The following LRIG2 variants were observed in gnomAD, a reference collection of about 807,000 sequenced individuals.
LRIG2 encodes leucine-rich repeats and immunoglobulin-like domains protein 2.
Under a neutral mutation model 107.8 loss-of-function variants are expected in LRIG2, and 93 were observed. The ratio of observed to expected loss-of-function variants is 0.86; its 90% CI spans 0.73 to 1.03. The LOEUF (loss-of-function observed/expected upper bound fraction) is 1.03. LRIG2 is among the 50% of genes least tolerant of loss of function. The pLI, the probability that LRIG2 is intolerant of heterozygous loss-of-function variation, is 0.00. For missense variants in LRIG2, 1,226 were observed against 1,296.0 expected (o/e 0.95, Z 0.83); for synonymous variants, 471 against 470.6 (o/e 1.00, Z -0.01).
In LRIG2 at chr1:113,093,417, C is replaced by T; in HGVS notation, c.381-13C>T. On this transcript the variant is annotated splice_polypyrimidine_tract_variant and intron_variant, in intron 3 of 17. Transcript: ENST00000361127. ...TCAGTGGCAGCAGCTTCATTATAAT[C>T]TTTGTTTTACAGAGTCCATAATATA... The T allele has an allele frequency of 6.2e-7, 1 of 1,612,734 alleles. No homozygotes were observed. Among genetic ancestry groups the T allele is most frequent in the Non-Finnish European group, 8.5e-7 (1 of 1,179,488 alleles).
intron 13 of LRIG2, 142 bp downstream of exon 13, chr1:113,110,704 C>G (rs1323466703): frequency 1.4e-6 from 1 of 691,790 alleles, no homozygotes; most frequent in African/African-American, 1.8e-5. Context: ...GATAACTTAT[C>G]AAGTGGGTGG....
In LRIG2 at chr1:113,127,701, A is replaced by T. The variant is rs1185217909; in HGVS notation, c.*3600A>T. ...TGCCTCAGCCTCCCAAGTACCTGGG[A>T]TTACAGGCATGCACCACCATGCCCG... On this transcript the variant is annotated 3_prime_UTR_variant, in exon 18 of 18. Transcript: ENST00000361127. 6.6e-6 allele frequency: 1 copy of T among 151,616 alleles called. No individual in the cohort carries two copies. Among genetic ancestry groups the T allele is most frequent in the African/African-American group, 2.4e-5 (1 of 41,188 alleles). The allele number at this position is 151,616 out of a possible 1,614,324, so 9.4% of individuals were successfully genotyped here.
Position 113,091,383 on chromosome 1 carries a change from T to G in LRIG2, c.305T>G (p.Val102Gly), listed in dbSNP as rs760283579. 1 of 1,569,224 alleles carries G rather than the reference T, an allele frequency of 6.4e-7. No individual in the cohort carries two copies. The highest frequency in any genetic ancestry group is 8.7e-7 in the Non-Finnish European group (1 of 1,150,410). Residue 102 changes from valine (V) to glycine (G), a missense_variant and splice_region_variant, in exon 2 of 18, where the codon GTG becomes GGG. By Grantham distance (109) the Val-to-Gly change is moderately radical (BLOSUM62 -3). Transcript: ENST00000361127. The stretch of plus-strand genomic sequence containing the variant: ...TTGGAATCACAAACATTACAGGAAG[T>G]GTAAGTTATTTTTATTTATTTAAAG... Reference protein sequence around the residue: ...ISLESQTLQEVKMNYNELTEI... With the variant: ...ISLESQTLQEGKMNYNELTEI...
chr1:113,088,507 G>A (rs1310073676), intron 1 of LRIG2, among the ~76,000 whole-genome samples: 1 of 152,174 alleles, frequency 6.6e-6, no homozygotes, highest in Non-Finnish European at 1.5e-5. Flanking sequence ...AACTCTAGGG[G>A]ATGAATACAG....
chr1:113,086,004 T>G (rs1252924159), intron 1 of LRIG2, among the ~76,000 whole-genome samples: 2 of 140,948 alleles, frequency 1.4e-5, no homozygotes, highest in East Asian at 4.0e-4. Context: ...CCTGAGGTTT[T>G]TTTTTTTTTT....
In LRIG2 at chr1:113,123,727, T is replaced by TTTTTTGTGTGTG. The variant is rs1437564600; in HGVS notation, c.2972-147_2972-146insTTTTGTGTGTGT. 557 of 597,134 alleles carry TTTTTTGTGTGTG rather than the reference T, an allele frequency of 9.3e-4. 3 individuals are homozygous for TTTTTTGTGTGTG. The highest frequency in any genetic ancestry group is 9.3e-3 in the African/African-American group (478 of 51,284). 37.0% of individuals were successfully genotyped at this position (597,134 alleles called of 1,614,324 possible). A position where few individuals can be genotyped will look rare whatever the true frequency, so the allele number is the denominator to read the frequency against. ...AAAGACCATGTTCTGGTGGTGGTTT[T>TTTTTTGTGTGTG]TGTGTGTGTGTGTGTGTGTGTGTGT... is the stretch of plus-strand genomic sequence containing the variant. On this transcript the variant is annotated intron_variant, in intron 17 of 17. Coordinates refer to ENST00000361127, the MANE Select transcript of LRIG2 (RefSeq NM_014813.3).
At chr1:113,094,914 T>C (rs1653984161) in intron 6 of LRIG2, among the ~76,000 whole-genome samples, 159 bp downstream of exon 6, 1 of 151,994 alleles carries the variant, frequency 6.6e-6, no homozygotes, top group African/African-American at 2.4e-5. Flanking sequence ...TAAAGTTTTG[T>C]TAGCTAACTG....
Position 113,130,795 on chromosome 1 carries a change from G to A in LRIG2, c.*6694G>A, listed in dbSNP as rs1655679997. ...GGTTGACAAAAGCGGTCTGACCTGT[G>A]TTCGTAGCTGGGAACATGAAACACA... is the stretch of plus-strand genomic sequence containing the variant. On this transcript the variant is annotated 3_prime_UTR_variant, in exon 18 of 18. Coordinates refer to ENST00000361127, the MANE Select transcript of LRIG2 (RefSeq NM_014813.3). 6.6e-6 allele frequency: 1 copy of A among 152,186 alleles called. No homozygotes were observed. The highest frequency in any genetic ancestry group is 2.4e-5 in the African/African-American group (1 of 41,432). The allele number at this position is 152,186 out of a possible 1,614,324, so 9.4% of individuals were successfully genotyped here.
chr1:113,112,274 C>T (rs950617807), intron 13 of LRIG2, among the ~76,000 whole-genome samples: 2 of 152,106 alleles, frequency 1.3e-5, no homozygotes, highest in African/African-American at 2.4e-5. Context: ...GCCTGGACAG[C>T]AGAGCAAGAC....
intron 1 of LRIG2, among the ~76,000 whole-genome samples, chr1:113,088,585 T>G (rs1345942200): frequency 6.6e-6 from 1 of 152,174 alleles, no homozygotes; most frequent in African/African-American, 2.4e-5. Context: ...AGGATTAAAA[T>G]GAAAGCCCTT....
At position 113,085,300 on chromosome 1, in the gene LRIG2, TG is replaced by T. The variant is rs376540701; in HGVS notation, c.240-6017del. Among the ~76,000 whole-genome samples, 398 of 152,026 alleles carry T rather than the reference TG, an allele frequency of 2.6e-3. 2 individuals carry two copies. Among genetic ancestry groups the T allele is most frequent in the African/African-American group, 8.4e-3 (350 of 41,496 alleles). On this transcript the variant is annotated intron_variant, in intron 1 of 17. Transcript: ENST00000361127. ...TTGTTTTTTTGTTTGTTTGTTTTTT[TG>T]AGACAGAGTTTCATTCTTGTTGCCC...
chr1:113,085,504 G>T (rs1247447633), intron 1 of LRIG2, among the ~76,000 whole-genome samples: 1 of 152,128 alleles, frequency 6.6e-6, no homozygotes, highest in African/African-American at 2.4e-5. Context: ...GGCTGGTCCC[G>T]CACTTCTGAC....
intron 1 of LRIG2, among the ~76,000 whole-genome samples, chr1:113,083,642 G>A (rs1024376947): frequency 1.3e-5 from 2 of 151,498 alleles, no homozygotes; most frequent in Non-Finnish European, 2.9e-5. Context: ...CACTGTGCCC[G>A]GCCAGCTGCA....
chr1:113,104,527 T>TC (rs1301683798), intron 11 of LRIG2, among the ~76,000 whole-genome samples: 3 of 152,032 alleles, frequency 2.0e-5, no homozygotes, highest in African/African-American at 7.2e-5. Context: ...AAAGTCTTTT[T>TC]TTTTTTTTGA....
chr1:113,079,252 G>A (rs1225324781), intron 1 of LRIG2, among the ~76,000 whole-genome samples: 2 of 151,576 alleles, frequency 1.3e-5, no homozygotes, highest in East Asian at 3.9e-4. Flanking sequence ...GGGGGCTGAG[G>A]TAGGAGGATT....
chr1:113,073,257 G>C lies in LRIG2; in HGVS notation c.-150G>C, dbSNP rs947964382. On this transcript the variant is annotated 5_prime_UTR_variant, in exon 1 of 18. Transcript: ENST00000361127. ...GCCGTCGACCCCGCTGTCGCGCTGC[G>C]TCTGCTCCTTGCATGCCTTTAGATG... 18 of 690,302 alleles carry C rather than the reference G, an allele frequency of 2.6e-5. No homozygotes were observed. Among genetic ancestry groups the C allele is most frequent in the Non-Finnish European group, 4.6e-5 (18 of 395,348 alleles). The allele number at this position is 690,302 out of a possible 1,614,324, so 42.8% of individuals were successfully genotyped here. A position where few individuals can be genotyped will look rare whatever the true frequency, so the allele number is the denominator to read the frequency against.
rs1655659678 is a variant in LRIG2 at position 113,130,388 on chromosome 1, A to G, written c.*6287A>G. On this transcript the variant is annotated 3_prime_UTR_variant, in exon 18 of 18. Coordinates refer to ENST00000361127, the MANE Select transcript of LRIG2 (RefSeq NM_014813.3). The stretch of plus-strand genomic sequence containing the variant: ...GTTACCCATTTCCCTATGAAAAGAG[A>G]TGTGTTAAAAGTCTTTAACTACTTA... 1 of 152,258 alleles carries G rather than the reference A, an allele frequency of 6.6e-6. No homozygotes were observed. The highest frequency in any genetic ancestry group is 2.4e-5 in the African/African-American group (1 of 41,464). The allele number at this position is 152,258 out of a possible 1,614,324, so 9.4% of individuals were successfully genotyped here.
intron 1 of LRIG2, among the ~76,000 whole-genome samples, chr1:113,078,351 G>A (rs1653090195): frequency 6.6e-6 from 1 of 151,604 alleles, no homozygotes; most frequent in Non-Finnish European, 1.5e-5. Context: ...CGATTCTCCT[G>A]CCTTAGTCTC....
At chr1:113,085,708 A>T (rs1264312512) in intron 1 of LRIG2, among the ~76,000 whole-genome samples, 1 of 152,182 alleles carries the variant, frequency 6.6e-6, no homozygotes, top group Non-Finnish European at 1.5e-5. Flanking sequence ...TTTACTCCTA[A>T]TTCAGATAGT....
Sources: allele counts gnomAD v4.1 joint callset (sites outside exome capture counted in the v4.1 genomes callset), GRCh38; gene constraint gnomAD v4.1.1; transcripts MANE v1.5; gene names NCBI Gene and HGNC (gene_info 2026-07-23, HGNC 2026-07-21).